The following LPAR6 variants were observed in gnomAD, a reference collection of about 807,000 sequenced individuals.
LPAR6 encodes the protein G-protein coupled purinergic receptor P2Y5.
In LPAR6, 17 loss-of-function variants were observed where a neutral mutation model predicts 22.0. That is an observed-to-expected ratio of 0.77 (90% confidence interval 0.53 to 1.16). The LOEUF is 1.16. LPAR6 is among the 50% of genes most tolerant of loss of function. The pLI is 0.00. For synonymous variants in LPAR6, 136 were observed against 139.8 expected, an observed-to-expected ratio of 0.97 and a Z score of 0.19; for missense variants, 384 against 406.9, an observed-to-expected ratio of 0.94 and a Z score of 0.48.
upstream of LPAR6, among the ~76,000 whole-genome samples, chr13:48,430,774 A>C (rs892136764): frequency 5.9e-4 from 89 of 151,938 alleles, no homozygotes; most frequent in Middle Eastern, 3.4e-3. Flanking sequence ...ACAAAAAAAA[A>C]AAACAGTAGA....
At chr13:48,392,772 T>A (rs1566203387) in intron 1 of LPAR6, among the ~76,000 whole-genome samples, 1 of 151,744 alleles carries the variant, frequency 6.6e-6, no homozygotes, top group African/African-American at 2.4e-5. Flanking sequence ...CTCTCTTTTT[T>A]TTAAGAGTCG....
downstream of LPAR6, among the ~76,000 whole-genome samples, chr13:48,409,220 C>G (rs1310121535): frequency 7.0e-6 from 1 of 142,298 alleles, no homozygotes; most frequent in African/African-American, 2.6e-5. Flanking sequence ...GTGATCATAT[C>G]TCACTCTAAC....
chr13:48,438,256 G>A (rs1037216626), intron 1 of LPAR6, among the ~76,000 whole-genome samples: 2 of 152,074 alleles, frequency 1.3e-5, no homozygotes, highest in African/African-American at 4.8e-5. Context: ...ATCTAACTTA[G>A]TTGTCAAAAC....
chr13:48,434,233 G>A (rs1221779967), intron 1 of LPAR6, among the ~76,000 whole-genome samples: 1 of 151,724 alleles, frequency 6.6e-6, no homozygotes, highest in Non-Finnish European at 1.5e-5. Context: ...GATCAGTTGA[G>A]GCCAGTAGTT....
At chr13:48,404,517 A>G (rs893187280) in intron 1 of LPAR6, among the ~76,000 whole-genome samples, 23 of 152,020 alleles carry the variant, frequency 1.5e-4, no homozygotes, top group Admixed American at 1.5e-3. Flanking sequence ...AGCATGATGA[A>G]TGAATGTGGA....
chr13:48,405,717 G>A (rs887042306), intron 1 of LPAR6, among the ~76,000 whole-genome samples: 20 of 152,032 alleles, frequency 1.3e-4, no homozygotes, highest in South Asian at 2.1e-4. Flanking sequence ...TCCCAAAGTC[G>A]TAACTATACA....
At chr13:48,439,820 G>A (rs1566227881) in intron 1 of LPAR6, 1 of 152,052 alleles carries the variant, frequency 6.6e-6, no homozygotes. Context: ...AACCTAAGAA[G>A]ACAAGAAATT....
chr13:48,411,965 A>G lies in LPAR6; in HGVS notation c.459T>C (p.Phe153=), dbSNP rs746683607. Residue 153 remains phenylalanine, a synonymous_variant, in exon 1 of 1, where the codon TTT becomes TTC. Transcript: ENST00000620633. ...TVIGGSAPAV[F]VQSTHSQGNN... ...TACCCTGAGAGTGGGTAGACTGAAC[A>G]AAAACGGCGGGTGCACTTCCTCCGA... is the stretch of plus-strand genomic sequence containing the variant. The G allele has an allele frequency of 1.2e-6, 2 of 1,612,356 alleles. No homozygotes were observed. The highest frequency in any genetic ancestry group is 2.2e-5 in the South Asian group (2 of 90,946).
chr13:48,441,227 T>A (rs1949233544), intron 1 of LPAR6, among the ~76,000 whole-genome samples: 2 of 152,194 alleles, frequency 1.3e-5, no homozygotes, highest in African/African-American at 4.8e-5. Context: ...CCTCAGATGG[T>A]GGAAGGGACA....
chr13:48,423,659 T>C (rs952116691), intron 1 of LPAR6, among the ~76,000 whole-genome samples: 4 of 152,036 alleles, frequency 2.6e-5, no homozygotes, highest in East Asian at 1.9e-4. Flanking sequence ...GTACATAACA[T>C]TGAGAACAGG....
chr13:48,438,074 A>G (rs79047668), intron 1 of LPAR6, among the ~76,000 whole-genome samples: 1,651 of 152,028 alleles, frequency 0.011, 31 homozygotes, highest in African/African-American at 0.038. Context: ...TATTTTAAGA[A>G]CTCCCTGAAA....
Position 48,411,567 on chromosome 13 carries a change from A to C in LPAR6, c.857T>G (p.Phe286Cys). The change falls in exon 1 of 1, where the codon TTT becomes TGT. Residue 286 changes from phenylalanine to cysteine, a missense_variant. Transcript: ENST00000620633. Reference protein sequence around the residue: ...TLCIAVSNCCFDPIVYYFTSD... With the variant: ...TLCIAVSNCCCDPIVYYFTSD... ...TGTAAAGTAGTAAACTATAGGGTCA[A>C]AACAACAGTTGGAAACAGCAATACA... 1 of 1,613,850 alleles carries C rather than the reference A, an allele frequency of 6.2e-7. No homozygotes were observed. The highest frequency in any genetic ancestry group is 8.5e-7 in the Non-Finnish European group (1 of 1,179,890).
chr13:48,409,777 C>T (rs1429006879), downstream of LPAR6, among the ~76,000 whole-genome samples: 1 of 151,730 alleles, frequency 6.6e-6, no homozygotes, highest in African/African-American at 2.4e-5. Flanking sequence ...GACGGGGTTT[C>T]ACCATGTTGG....
chr13:48,394,896 C>T lies in LPAR6; in HGVS notation n.115-5084G>A, dbSNP rs1007397163. 2.6e-5 allele frequency among the ~76,000 whole-genome samples: 4 copies of T among 152,344 alleles called. No individual in the cohort carries two copies. In the East Asian group the frequency reaches 7.7e-4, roughly 29 times the overall value. On this transcript the variant is annotated intron_variant and non_coding_transcript_variant, in intron 1 of 1. Coordinates refer to the LPAR6 transcript ENST00000462781. The stretch of plus-strand genomic sequence containing the variant: ...CTCCCAGCACAGTGCTCAAGCTCTG[C>T]TAAGGGACAGACTGTCTCCTCAAGT...
At chr13:48,431,562 CT>C (rs942384883), upstream of LPAR6, among the ~76,000 whole-genome samples, 1 of 151,962 alleles carries the variant, frequency 6.6e-6, no homozygotes, top group Admixed American at 6.6e-5. Flanking sequence ...TCTGTGGTTA[CT>C]TTTTTTTATT....
chr13:48,396,294 A>C (rs967661594), intron 1 of LPAR6, among the ~76,000 whole-genome samples: 1 of 152,086 alleles, frequency 6.6e-6, no homozygotes, highest in Non-Finnish European at 1.5e-5. Flanking sequence ...GGTACCAAAA[A>C]AGATAAATAA....
intron 1 of LPAR6, among the ~76,000 whole-genome samples, chr13:48,423,446 A>G (rs965844911): frequency 6.6e-6 from 1 of 152,160 alleles, no homozygotes; most frequent in Non-Finnish European, 1.5e-5. Context: ...GATTTTTGAA[A>G]CAGGTTGCAC....
intron 1 of LPAR6, among the ~76,000 whole-genome samples, chr13:48,402,799 G>A (rs1295400175): frequency 6.6e-6 from 1 of 151,960 alleles, no homozygotes; most frequent in Non-Finnish European, 1.5e-5. Flanking sequence ...GTCATCTCAG[G>A]AAGTCTTATG....
rs143933223 is a variant in LPAR6, at chr13:48,436,603, A to G, written c.-1474+7950T>C. Reference sequence around the variant, plus strand: ...GGTTGCAGTGAGCCAAGATTGCACCACTGCACTCCAGCCTGGGTGACAAGA... The same window carrying G: ...GGTTGCAGTGAGCCAAGATTGCACCGCTGCACTCCAGCCTGGGTGACAAGA... On this transcript the variant is annotated intron_variant, in intron 1 of 6. Coordinates refer to the LPAR6 transcript ENST00000378434. Among the ~76,000 whole-genome samples, 846 of 152,118 alleles carry G rather than the reference A, an allele frequency of 5.6e-3. 5 individuals carry two copies. The highest frequency in any genetic ancestry group is 0.01 in the Middle Eastern group (3 of 294).
Sources: gnomAD v4.1 joint callset for allele counts (sites outside exome capture counted in the v4.1 genomes callset) on GRCh38, gnomAD v4.1.1 for gene constraint, MANE v1.5 for transcripts, NCBI Gene and HGNC (gene_info 2026-07-23, HGNC 2026-07-21) for gene names.